The following CSMD1 variants were observed in gnomAD, a reference collection of about 807,000 sequenced individuals.
CSMD1 encodes CUB and Sushi multiple domains 1.
A neutral mutation model predicts 417.5 loss-of-function variants in CSMD1; 213 were observed. That is an observed-to-expected ratio of 0.51 (90% CI 0.46 to 0.57). CSMD1 has a LOEUF of 0.57. CSMD1 is among the 20% of genes least tolerant of loss of function. CSMD1 has a pLI of 0.00. For synonymous variants in CSMD1, 2,862 were observed against 1,736.8 expected (o/e 1.65, Z -16.11); for missense variants, 6,923 against 4,529.7 (o/e 1.53, Z -15.17).
chr8:3,006,858 CA>C (rs1279453542), intron 52 of CSMD1, among the ~76,000 whole-genome samples: 8 of 144,102 alleles, frequency 5.6e-5, no homozygotes. Context: ...AGGACATAGG[CA>C]TGGGCAAAGA....
At position 4,909,893 on chromosome 8, in the gene CSMD1, C is replaced by A. The variant is rs1008004618; in HGVS notation, c.85+84439G>T. Among the ~76,000 whole-genome samples, 4 of 152,156 alleles carry A rather than the reference C, an allele frequency of 2.6e-5. No individual in the cohort carries two copies. In the South Asian group the frequency reaches 8.3e-4, roughly 32 times the overall value. ...AGTCATTGATTTGGGGTTTGCCCAG[C>A]TTTTTCTTCTTATGAGGATGGGAGT... is the stretch of plus-strand genomic sequence containing the variant. On this transcript the variant is annotated intron_variant, in intron 1 of 69. Coordinates refer to ENST00000635120, the MANE Select transcript of CSMD1 (RefSeq NM_033225.6).
intron 1 of CSMD1, among the ~76,000 whole-genome samples, chr8:4,988,967 G>A (rs367872547): frequency 6.6e-6 from 1 of 152,160 alleles, no homozygotes; most frequent in African/African-American, 2.4e-5. Flanking sequence ...TCAGTATCAA[G>A]GACTAAAGTC....
chr8:4,167,410 C>G (rs1216030275), intron 3 of CSMD1, among the ~76,000 whole-genome samples: 1 of 152,128 alleles, frequency 6.6e-6, no homozygotes, highest in African/African-American at 2.4e-5. Context: ...CTAAAGTGTT[C>G]ATGTAAAAGA....
intron 7 of CSMD1, among the ~76,000 whole-genome samples, chr8:3,676,493 C>A (rs1327854014): frequency 6.6e-6 from 1 of 152,106 alleles, no homozygotes; most frequent in African/African-American, 2.4e-5. Context: ...TCATAAATTG[C>A]CTGAAAAATT....
At chr8:3,286,059 G>A (rs1281364196) in intron 25 of CSMD1, among the ~76,000 whole-genome samples, 1 of 152,036 alleles carries the variant, frequency 6.6e-6, no homozygotes, top group Non-Finnish European at 1.5e-5. Context: ...TCCCACCTAT[G>A]AGTGAGAACA....
At chr8:4,414,732 T>G (rs1382866484) in intron 3 of CSMD1, among the ~76,000 whole-genome samples, 1 of 152,192 alleles carries the variant, frequency 6.6e-6, no homozygotes, top group African/African-American at 2.4e-5. Flanking sequence ...AAAAGTTAAG[T>G]TGTGGTTGAG....
At chr8:4,003,106 G>T (rs1002672434) in intron 4 of CSMD1, among the ~76,000 whole-genome samples, 1 of 152,142 alleles carries the variant, frequency 6.6e-6, no homozygotes, top group African/African-American at 2.4e-5. Flanking sequence ...TAAGAAACAA[G>T]ATACAGGCTT....
chr8:4,634,528 C>T (rs946950585), intron 2 of CSMD1, among the ~76,000 whole-genome samples: 1 of 152,168 alleles, frequency 6.6e-6, no homozygotes, highest in African/African-American at 2.4e-5. Context: ...AAAACAACAA[C>T]ACACCAAGAC....
At chr8:4,012,421 T>C (rs572993919) in intron 4 of CSMD1, among the ~76,000 whole-genome samples, 18 of 152,332 alleles carry the variant, frequency 1.2e-4, no homozygotes, top group African/African-American at 4.1e-4. Context: ...TTTATTTTTA[T>C]GTTTTATTCT....
rs1008714984 is a variant in CSMD1 at position 4,874,883 on chromosome 8, GAGTAT to G, written c.85+119444_85+119448del. Among the ~76,000 whole-genome samples, 104 of 139,442 alleles carry G rather than the reference GAGTAT, an allele frequency of 7.5e-4. 1 individual carries two copies. The highest frequency in any genetic ancestry group is 3.1e-3 in the African/African-American group (101 of 32,798). 91.5% of individuals were successfully genotyped at this position (139,442 alleles called of 152,430 possible). ...TATAGTATAGTGTATATATAGTATA[GAGTAT>G]AGTGTATATATAGTATATACTATAT... On this transcript the variant is annotated intron_variant, in intron 1 of 69. Transcript: ENST00000635120.
chr8:3,825,455 G>T (rs929387291), intron 5 of CSMD1, among the ~76,000 whole-genome samples: 1 of 152,090 alleles, frequency 6.6e-6, no homozygotes, highest in Non-Finnish European at 1.5e-5. Context: ...CTTGAACCTG[G>T]GAAGTGGAAG....
intron 5 of CSMD1, among the ~76,000 whole-genome samples, chr8:3,786,749 C>T (rs138483656): frequency 6.6e-5 from 10 of 152,304 alleles, no homozygotes; most frequent in Non-Finnish European, 1.2e-4. Context: ...CTGATGAGAA[C>T]TTTCTTTCAA....
chr8:3,455,104 C>T (rs551642270), intron 12 of CSMD1, among the ~76,000 whole-genome samples: 3 of 152,178 alleles, frequency 2.0e-5, no homozygotes, highest in African/African-American at 7.2e-5. Context: ...TCGATCGAAT[C>T]GGCTACTGAG....
intron 1 of CSMD1, among the ~76,000 whole-genome samples, chr8:4,645,075 T>C (rs1388371034): frequency 2.6e-5 from 4 of 152,190 alleles, no homozygotes; most frequent in African/African-American, 9.7e-5. Context: ...AAAGCAGAGT[T>C]GCTATTCTCT....
chr8:3,554,435 T>A (rs1243195708), intron 10 of CSMD1, among the ~76,000 whole-genome samples: 1 of 151,958 alleles, frequency 6.6e-6, no homozygotes, highest in African/African-American at 2.4e-5. Flanking sequence ...AGCCTGGAGC[T>A]GGGGGAGCAG....
intron 37 of CSMD1, among the ~76,000 whole-genome samples, chr8:3,180,741 T>G (rs1422234000): frequency 1.3e-5 from 2 of 152,128 alleles, no homozygotes; most frequent in African/African-American, 4.8e-5. Context: ...GTGATTCTCC[T>G]GCCTCAGCCT....
chr8:4,834,823 G>C (rs1184879671), intron 1 of CSMD1, among the ~76,000 whole-genome samples: 1 of 151,504 alleles, frequency 6.6e-6, no homozygotes, highest in African/African-American at 2.4e-5. Context: ...CGGGCGTGGT[G>C]GTGGGCGCCT....
In CSMD1 at chr8:4,717,291, C is replaced by G. The variant is rs372207629; in HGVS notation, c.86-79733G>C. Among the ~76,000 whole-genome samples the G allele has an allele frequency of 2.0e-3, 269 of 137,260 alleles. 9 individuals are homozygous for G. The South Asian group carries it at 0.051, about 26-fold the overall frequency. 90.0% of individuals were successfully genotyped at this position (137,260 alleles called of 152,430 possible). A position where few individuals can be genotyped will look rare whatever the true frequency, so the allele number is the denominator to read the frequency against. On this transcript the variant is annotated intron_variant, in intron 1 of 69. Transcript: ENST00000635120. The stretch of plus-strand genomic sequence containing the variant: ...CTCAAAGAAGCATCTCTGACCCTGC[C>G]CTTCTCTCTCTCTCTCTCCATATAT...
chr8:3,661,632 C>G (rs115934921), intron 7 of CSMD1, among the ~76,000 whole-genome samples: 6,864 of 152,062 alleles, frequency 0.045, 453 homozygotes, highest in African/African-American at 0.15. Context: ...AAGTAGTTGG[C>G]ATTACAGGTA....
Sources: gnomAD v4.1 joint callset for allele counts (sites outside exome capture counted in the v4.1 genomes callset) on GRCh38, gnomAD v4.1.1 for gene constraint, MANE v1.5 for transcripts, NCBI Gene and HGNC (gene_info 2026-07-23, HGNC 2026-07-21) for gene names.